Variants in STAG2 observed in about 807,000 individuals in gnomAD.
STAG2 encodes cohesin subunit SA-2.
STAG2 carries 14 observed loss-of-function variants against 108.1 expected under a neutral mutation model. The observed-to-expected ratio is 0.13, with a 90% CI of 0.09 to 0.20. The LOEUF (loss-of-function observed/expected upper bound fraction) is 0.20, where lower values mean the gene tolerates loss of function less well. Ranked by LOEUF, STAG2 falls within the 10% of genes least tolerant of loss-of-function variation. The pLI is 1.00. For synonymous variants in STAG2, 307 were observed against 302.7 expected (o/e 1.01, Z -0.15); for missense variants, 440 against 940.9 (o/e 0.47, Z 6.96).
intron 23 of STAG2, 54 bp downstream of exon 23, chrX:124,066,490 C>G: frequency 1.1e-6 from 1 of 874,767 alleles, no homozygotes; most frequent in East Asian, 3.1e-5. Flanking sequence ...TAACTGTTTT[C>G]AGCAAACTCA....
At chrX:124,084,445 C>T (rs2059046546) in intron 29 of STAG2, among the ~76,000 whole-genome samples, 1 of 109,828 alleles carries the variant, frequency 9.1e-6, no homozygotes, top group Non-Finnish European at 1.9e-5. Context: ...CAGCCTCCTG[C>T]GTAGGTGGGA....
chrX:124,015,004 T>TG (rs2056662538), intron 1 of STAG2, among the ~76,000 whole-genome samples: 1 of 93,655 alleles, frequency 1.1e-5, no homozygotes, highest in African/African-American at 3.9e-5. Flanking sequence ...TTTTTTTTTT[T>TG]GAGACGGAGT....
chrX:124,041,672 T>C (rs1039338235), intron 6 of STAG2, among the ~76,000 whole-genome samples: 2 of 111,254 alleles, frequency 1.8e-5, no homozygotes, highest in Non-Finnish European at 3.8e-5. Flanking sequence ...ATCTCTCTCT[T>C]TCTCAGTCTG....
intron 1 of STAG2, among the ~76,000 whole-genome samples, chrX:123,968,717 A>G (rs571807739): frequency 8.9e-6 from 1 of 112,316 alleles, no homozygotes; most frequent in African/African-American, 3.2e-5. Context: ...AACAAGTCCT[A>G]TTTACATTTT....
chrX:124,066,145 T>TA, intron 21 of STAG2, 30 bp from the exon 22 acceptor site: 2 of 209,666 alleles, frequency 9.5e-6, no homozygotes, highest in Non-Finnish European at 1.2e-5. Flanking sequence ...AAAACTTAAT[T>TA]TTTTTTTTTT....
At chrX:124,029,139 C>A (rs2148048465) in intron 4 of STAG2, among the ~76,000 whole-genome samples, 1 of 106,658 alleles carries the variant, frequency 9.4e-6, no homozygotes, top group African/African-American at 3.4e-5. Flanking sequence ...GCCTCAGCCT[C>A]CTGAGTAGCT....
At chrX:123,998,761 T>G in intron 1 of STAG2, among the ~76,000 whole-genome samples, 2 of 111,362 alleles carry the variant, frequency 1.8e-5, no homozygotes. Flanking sequence ...AATATAGTTT[T>G]AAATATTCTT....
intron 23 of STAG2, among the ~76,000 whole-genome samples, chrX:124,067,148 C>A (rs746888995): frequency 4.0e-4 from 45 of 111,442 alleles, no homozygotes; most frequent in African/African-American, 1.4e-3. Flanking sequence ...TGCCTAAACC[C>A]ACAGAATAAT....
chrX:123,991,852 C>T (rs1300844147), intron 1 of STAG2, among the ~76,000 whole-genome samples: 2 of 107,888 alleles, frequency 1.9e-5, no homozygotes, highest in Non-Finnish European at 3.9e-5. Flanking sequence ...TTAGTAGAGA[C>T]GGGGTTTTTC....
chrX:124,100,647 G>A lies in STAG2; in HGVS notation c.*50G>A, dbSNP rs369223493. ...GTGAAGTCATTTTCTAAGTGGAAGA[G>A]GAAATTTTAAAGTGTGGTAGATACA... On this transcript the variant is annotated 3_prime_UTR_variant, in exon 35 of 35. Coordinates refer to ENST00000371145, the MANE Select transcript of STAG2 (RefSeq NM_001042750.2). 2 of 1,060,644 alleles carry A rather than the reference G, an allele frequency of 1.9e-6. No individual in the cohort carries two copies. The highest frequency in any genetic ancestry group is 2.6e-6 in the Non-Finnish European group (2 of 762,757). The allele number at this position is 1,060,644 out of a possible 1,213,427, so 87.4% of individuals were successfully genotyped here. A position where few individuals can be genotyped will look rare whatever the true frequency, so the allele number is the denominator to read the frequency against.
intron 32 of STAG2, among the ~76,000 whole-genome samples, chrX:124,093,017 T>C (rs767107495): frequency 1.0e-3 from 112 of 111,448 alleles, no homozygotes; most frequent in African/African-American, 3.5e-3. Flanking sequence ...CGGTAAATAA[T>C]TGCTGGGGTT....
intron 1 of STAG2, among the ~76,000 whole-genome samples, chrX:123,998,580 GTCTATCCATCTA>G (rs2055868315): frequency 2.6e-5 from 2 of 78,267 alleles, no homozygotes; most frequent in East Asian, 8.1e-4. Flanking sequence ...TTTTTTGTCT[GTCTATCCATCTA>G]TCTATCTATC....
rs767817877 is a variant in STAG2, at chrX:123,998,485, GT to G, written c.-162-22868del. ...CACGCCCTGCCGTGTGTGTGTATGT[GT>G]TTTTTTTTTTTTTAAGGAACAGTTA... On this transcript the variant is annotated intron_variant, in intron 1 of 34. Transcript: ENST00000371145. 9.3e-3 allele frequency among the ~76,000 whole-genome samples: 857 copies of G among 92,578 alleles called. 31 individuals are homozygous for G. The highest frequency in any genetic ancestry group is 0.079 in the Admixed American group (657 of 8,316). The allele number at this position is 92,578 out of a possible 115,157, so 80.4% of individuals were successfully genotyped here. A position where few individuals can be genotyped will look rare whatever the true frequency, so the allele number is the denominator to read the frequency against.
At position 124,037,529 on chromosome X, in the gene STAG2, G is replaced by A. The variant is rs747104911; in HGVS notation, c.291G>A (p.Ser97=). ...VVKMGKSAMQ[S]VVDDWIESYK... is the part of the protein sequence containing the mutation. ...TTATTTTTTTCCCTCTGCTGTAGTC[G>A]GTGGTAGATGATTGGATAGAATCAT... Residue 97 remains serine (S), a splice_region_variant and synonymous_variant, in exon 6 of 35, where the codon TCG becomes TCA. Transcript: ENST00000371145. 50 of 1,154,553 alleles carry A rather than the reference G, an allele frequency of 4.3e-5. No individual in the cohort carries two copies. The highest frequency in any genetic ancestry group is 5.8e-5 in the Non-Finnish European group (50 of 862,393).
At chrX:123,997,122 C>G (rs181722023) in intron 1 of STAG2, among the ~76,000 whole-genome samples, 3 of 111,956 alleles carry the variant, frequency 2.7e-5, no homozygotes, top group African/African-American at 9.7e-5. Context: ...TTCGCACTGT[C>G]TTACCGTAGC....
chrX:123,998,912 C>G (rs1172705544), intron 1 of STAG2, among the ~76,000 whole-genome samples: 1 of 110,451 alleles, frequency 9.1e-6, no homozygotes. Context: ...CGAGACCAGC[C>G]TGGGCAACAT....
chrX:124,030,957 G>A lies in STAG2; in HGVS notation c.124-4G>A. The stretch of plus-strand genomic sequence containing the variant: ...AACTTAACCACCTCGTATTTTTTAT[G>A]CAGACTTGTAAAAAAGGCAAAAAGG... On this transcript the variant is annotated splice_polypyrimidine_tract_variant and splice_region_variant and intron_variant, in intron 4 of 34. Coordinates refer to ENST00000371145, the MANE Select transcript of STAG2 (RefSeq NM_001042750.2). 8.4e-7 allele frequency: 1 copy of A among 1,188,419 alleles called. No homozygotes were observed. Among genetic ancestry groups the A allele is most frequent in the Non-Finnish European group, 1.1e-6 (1 of 886,270 alleles).
At chrX:124,022,260 A>G in intron 2 of STAG2, among the ~76,000 whole-genome samples, 1 of 109,636 alleles carries the variant, frequency 9.1e-6, no homozygotes, top group Non-Finnish European at 1.9e-5. Context: ...AATCTCAGCT[A>G]CTCGGGAGGC....
chrX:124,069,246 T>A (rs760865092), intron 24 of STAG2, among the ~76,000 whole-genome samples: 121 of 112,448 alleles, frequency 1.1e-3, no homozygotes, highest in Non-Finnish European at 2.1e-3. Flanking sequence ...ATTCCCTAAT[T>A]GAGAGGATTA....
Sources: gnomAD v4.1 joint callset for allele counts (sites outside exome capture counted in the v4.1 genomes callset) on GRCh38, gnomAD v4.1.1 for gene constraint, MANE v1.5 for transcripts, NCBI Gene and HGNC (gene_info 2026-07-23, HGNC 2026-07-21) for gene names.